Variants in TRIM24 observed in about 807,000 individuals in gnomAD.
The protein encoded by TRIM24 is tripartite motif containing 24.
In TRIM24, 29 loss-of-function variants were observed where a neutral mutation model predicts 123.9. That is an observed-to-expected ratio of 0.23 (90% CI 0.17 to 0.32). TRIM24 has a LOEUF of 0.32. TRIM24 is among the 10% of genes least tolerant of loss of function. The probability of loss-of-function intolerance (pLI) is 1.00; values close to 1 mark genes in which losing one functional copy is unlikely to be tolerated. For synonymous variants in TRIM24, 456 were observed against 461.1 expected (o/e 0.99, Z 0.14); for missense variants, 932 against 1,295.3 (o/e 0.72, Z 4.31).
Position 138,585,455 on chromosome 7 carries a change from T to C in TRIM24, c.*504T>C, listed in dbSNP as rs1317516239. On this transcript the variant is annotated 3_prime_UTR_variant, in exon 19 of 19. Coordinates refer to ENST00000343526, the MANE Select transcript of TRIM24 (RefSeq NM_015905.3). Reference sequence around the variant, plus strand: ...ACTGAAGAACAGTACTCCACAAACATGGGTGGTAACAAGAGTTCCATCCCA... The same window carrying C: ...ACTGAAGAACAGTACTCCACAAACACGGGTGGTAACAAGAGTTCCATCCCA... 2.0e-5 allele frequency: 6 copies of C among 296,912 alleles called. No homozygotes were observed. The East Asian group carries it at 4.0e-4, about 20-fold the overall frequency. The allele number at this position is 296,912 out of a possible 1,614,324, so 18.4% of individuals were successfully genotyped here.
chr7:138,508,971 C>CA (rs1429374536), intron 2 of TRIM24, among the ~76,000 whole-genome samples: 1 of 151,948 alleles, frequency 6.6e-6, no homozygotes, highest in Non-Finnish European at 1.5e-5. Context: ...TATTTAGAGA[C>CA]AGAGTCTCAC....
chr7:138,475,445 AAATGGGCTT>A (rs1437515217), intron 1 of TRIM24, among the ~76,000 whole-genome samples: 1 of 152,240 alleles, frequency 6.6e-6, no homozygotes, highest in East Asian at 1.9e-4. Context: ...TGATATTAGT[AAATGGGCTT>A]AACTGGCCTA....
intron 1 of TRIM24, chr7:138,461,252 T>C (rs1345841466): frequency 1.7e-6 from 1 of 590,456 alleles, no homozygotes; most frequent in Non-Finnish European, 3.3e-6. Context: ...CTTTGCCGGC[T>C]GCAGCCAGTT....
chr7:138,533,849 CTT>C (rs1479270330), intron 6 of TRIM24, among the ~76,000 whole-genome samples: 5 of 152,048 alleles, frequency 3.3e-5, no homozygotes, highest in African/African-American at 1.2e-4. Flanking sequence ...TGGTCCTAGA[CTT>C]TTTTTGGTTG....
chr7:138,587,363 A>G lies in TRIM24; in HGVS notation c.*2412A>G. The G allele has an allele frequency of 6.6e-6, 1 of 152,188 alleles. No homozygotes were observed. Among genetic ancestry groups the G allele is most frequent in the Non-Finnish European group, 1.5e-5 (1 of 68,052 alleles). 9.4% of individuals were successfully genotyped at this position (152,188 alleles called of 1,614,324 possible). A position where few individuals can be genotyped will look rare whatever the true frequency, so the allele number is the denominator to read the frequency against. ...GACTCAGTCTCAAAAACAAAAAGTA[A>G]AGGTCTTGGGTTTCTCTCTGTAAAT... On this transcript the variant is annotated 3_prime_UTR_variant, in exon 19 of 19. Coordinates refer to ENST00000343526, the MANE Select transcript of TRIM24 (RefSeq NM_015905.3).
rs531327793 is a variant in TRIM24 at position 138,589,158 on chromosome 7, T to C, written c.*4207T>C. ...GTTGATGTCTTTTTATAAATGTTTA[T>C]TGCATATTCATCTTGAATGTGAATT... is the stretch of plus-strand genomic sequence containing the variant. On this transcript the variant is annotated 3_prime_UTR_variant, in exon 19 of 19. Transcript: ENST00000343526. 1.6e-4 allele frequency: 24 copies of C among 152,360 alleles called. 1 individual carries two copies. The highest frequency in any genetic ancestry group is 5.3e-4 in the African/African-American group (22 of 41,590). 9.4% of individuals were successfully genotyped at this position (152,360 alleles called of 1,614,324 possible).
intron 1 of TRIM24, among the ~76,000 whole-genome samples, chr7:138,465,310 G>T (rs958907862): frequency 3.9e-5 from 6 of 152,170 alleles, no homozygotes; most frequent in African/African-American, 1.4e-4. Context: ...TTATATCTAG[G>T]AGAGAGGCAA....
intron 9 of TRIM24, among the ~76,000 whole-genome samples, chr7:138,566,258 G>A (rs1008773796): frequency 1.3e-5 from 2 of 152,178 alleles, no homozygotes; most frequent in South Asian, 2.1e-4. Context: ...GCTCAAGCCT[G>A]TAATCCCAGG....
chr7:138,538,980 TTTTAA>T (rs1772107764), intron 7 of TRIM24, among the ~76,000 whole-genome samples, 177 bp downstream of exon 7: 1 of 152,224 alleles, frequency 6.6e-6, no homozygotes, highest in African/African-American at 2.4e-5. Context: ...GTAATTTCAG[TTTTAA>T]TTTATCATTA....
At chr7:138,544,546 G>A (rs192773779) in intron 7 of TRIM24, among the ~76,000 whole-genome samples, 3 of 152,300 alleles carry the variant, frequency 2.0e-5, no homozygotes, top group African/African-American at 4.8e-5. Context: ...GGGATTGCTG[G>A]ACCTACAGTA....
intron 2 of TRIM24, among the ~76,000 whole-genome samples, 179 bp downstream of exon 2, chr7:138,504,587 C>T (rs71541394): frequency 1.3e-5 from 2 of 151,682 alleles, no homozygotes; most frequent in East Asian, 1.9e-4. Flanking sequence ...CTCAGCCTCC[C>T]GAGTAGCTGG....
chr7:138,463,917 T>C (rs1038355676), intron 1 of TRIM24, among the ~76,000 whole-genome samples: 2 of 151,704 alleles, frequency 1.3e-5, no homozygotes, highest in Non-Finnish European at 2.9e-5. Flanking sequence ...TGAGTCTTAG[T>C]GACTTGGGTA....
chr7:138,577,867 TGAA>T (rs879772605), intron 14 of TRIM24, among the ~76,000 whole-genome samples: 517 of 152,312 alleles, frequency 3.4e-3, no homozygotes, highest in South Asian at 0.01. Context: ...CAGATTGACT[TGAA>T]GATTAACTAA....
At chr7:138,501,201 G>A (rs1796031043) in intron 1 of TRIM24, among the ~76,000 whole-genome samples, 1 of 152,066 alleles carries the variant, frequency 6.6e-6, no homozygotes, top group Non-Finnish European at 1.5e-5. Context: ...GCTTTCACTA[G>A]GTGATAGGAA....
intron 10 of TRIM24, among the ~76,000 whole-genome samples, chr7:138,570,529 A>G (rs780240171): frequency 9.2e-5 from 14 of 152,040 alleles, no homozygotes; most frequent in Non-Finnish European, 1.9e-4. Flanking sequence ...GTTGCTATGT[A>G]TATATTTACA....
chr7:138,583,282 T>G (rs948235970), intron 17 of TRIM24, among the ~76,000 whole-genome samples: 2 of 152,094 alleles, frequency 1.3e-5, no homozygotes, highest in East Asian at 3.9e-4. Flanking sequence ...AAGAAAAAAA[T>G]CTAGATGATT....
At chr7:138,481,587 G>A (rs1452034234) in intron 1 of TRIM24, among the ~76,000 whole-genome samples, 1 of 151,878 alleles carries the variant, frequency 6.6e-6, no homozygotes, top group East Asian at 1.9e-4. Flanking sequence ...AGGATCACTC[G>A]AGCCCAGGAG....
chr7:138,575,634 A>G (rs1797743087), intron 12 of TRIM24, among the ~76,000 whole-genome samples: 2 of 151,858 alleles, frequency 1.3e-5, no homozygotes, highest in Non-Finnish European at 2.9e-5. Context: ...TTTTTTTTCT[A>G]CTTCCCACTT....
chr7:138,461,358 G>T, intron 1 of TRIM24: 1 of 416,646 alleles, frequency 2.4e-6, no homozygotes, highest in Non-Finnish European at 4.7e-6. Context: ...CTGCAGGGGA[G>T]AAGGGAGGGA....
Sources: gnomAD v4.1 joint callset for allele counts (sites outside exome capture counted in the v4.1 genomes callset) on GRCh38, gnomAD v4.1.1 for gene constraint, MANE v1.5 for transcripts, NCBI Gene and HGNC (gene_info 2026-07-23, HGNC 2026-07-21) for gene names.